The following DACH2 variants were observed in gnomAD, a reference collection of about 807,000 sequenced individuals.
DACH2 encodes the protein dachshund homolog 2.
Under a neutral mutation model 35.8 loss-of-function variants are expected in DACH2, and 17 were observed. That is an observed-to-expected ratio of 0.48 (90% CI 0.33 to 0.71). The LOEUF (loss-of-function observed/expected upper bound fraction) is 0.71. Among genes scored for constraint, DACH2 ranks in the 30% least tolerant of loss-of-function variants. DACH2 has a pLI of 0.02. For synonymous variants in DACH2, 195 were observed against 177.3 expected, an observed-to-expected ratio of 1.10 and a Z score of -0.79; for missense variants, 469 against 472.7, an observed-to-expected ratio of 0.99 and a Z score of 0.07.
chrX:86,204,799 G>C (rs2032243077), intron 1 of DACH2, among the ~76,000 whole-genome samples: 1 of 111,771 alleles, frequency 8.9e-6, no homozygotes, highest in Admixed American at 9.5e-5. Context: ...AGCTCAATCG[G>C]ATGGGAGATA....
At chrX:86,382,988 C>G (rs748249036) in intron 2 of DACH2, among the ~76,000 whole-genome samples, 7 of 110,663 alleles carry the variant, frequency 6.3e-5, no homozygotes, top group Non-Finnish European at 1.1e-4. Context: ...TAAGCATACT[C>G]TGGAAACCAC....
At chrX:86,369,425 T>C (rs1365723748) in intron 1 of DACH2, among the ~76,000 whole-genome samples, 2 of 111,018 alleles carry the variant, frequency 1.8e-5, no homozygotes, top group African/African-American at 3.3e-5. Context: ...AAATCGGTAA[T>C]CCTCTTCATT....
chrX:86,403,034 A>G (rs1039216736), intron 2 of DACH2, among the ~76,000 whole-genome samples: 2 of 112,259 alleles, frequency 1.8e-5, no homozygotes, highest in African/African-American at 6.5e-5. Flanking sequence ...AAATTAACTG[A>G]AGATGGATCA....
intron 4 of DACH2, among the ~76,000 whole-genome samples, chrX:86,682,397 G>A (rs929583092): frequency 4.5e-5 from 5 of 111,476 alleles, no homozygotes. Flanking sequence ...AGTCTTTTGA[G>A]TTTCAGTTTT....
In DACH2 at chrX:86,551,794, T is replaced by C. The variant is rs113107648; in HGVS notation, c.640+37403T>C. ...CATTTCTCAATCTTGTAAAAATGGC[T>C]CAGATAAGCAGTTAGTAGAAACTTT... On this transcript the variant is annotated intron_variant, in intron 3 of 11. Coordinates refer to ENST00000373125, the MANE Select transcript of DACH2 (RefSeq NM_053281.3). Among the ~76,000 whole-genome samples the C allele has an allele frequency of 6.3e-3, 709 of 111,934 alleles. 7 individuals carry two copies. Among genetic ancestry groups the C allele is most frequent in the African/African-American group, 0.021 (649 of 30,857 alleles).
intron 6 of DACH2, among the ~76,000 whole-genome samples, chrX:86,735,170 CACAT>C (rs1240463264): frequency 1.1e-4 from 12 of 111,619 alleles, no homozygotes; most frequent in African/African-American, 3.9e-4. Context: ...GGAACATGTG[CACAT>C]ACATATTACC....
chrX:86,770,840 T>C (rs2041981654), intron 7 of DACH2, among the ~76,000 whole-genome samples: 1 of 112,455 alleles, frequency 8.9e-6, no homozygotes, highest in South Asian at 3.6e-4. Flanking sequence ...TAATACAGTG[T>C]CATATGCCCC....
chrX:86,756,881 C>T (rs1364223755), intron 7 of DACH2, among the ~76,000 whole-genome samples: 3 of 110,707 alleles, frequency 2.7e-5, no homozygotes, highest in Admixed American at 9.6e-5. Context: ...TCATATATGA[C>T]CTTTATTATG....
intron 3 of DACH2, among the ~76,000 whole-genome samples, chrX:86,531,398 G>A (rs1468808189): frequency 1.8e-5 from 2 of 111,425 alleles, no homozygotes; most frequent in Admixed American, 9.5e-5. Flanking sequence ...TGTGGGGTGG[G>A]CCTAAGGTCC....
In DACH2 at chrX:86,315,840, C is replaced by CAGAGAG. The variant is rs1166125637; in HGVS notation, c.489-60977_489-60972dup. Reference sequence around the variant, plus strand: ...ACACACACACACACACACACACACACAGAGAGAGAGAGGGAGATTGGAGCA... The same window carrying CAGAGAG: ...ACACACACACACACACACACACACACAGAGAGAGAGAGAGAGAGGGAGATTGGAGCA... On this transcript the variant is annotated intron_variant, in intron 1 of 11. Transcript: ENST00000373125. 3.0e-4 allele frequency among the ~76,000 whole-genome samples: 23 copies of CAGAGAG among 77,854 alleles called. 1 individual carries two copies. Among genetic ancestry groups the CAGAGAG allele is most frequent in the Middle Eastern group, 6.7e-3 (1 of 149 alleles). 67.6% of individuals were successfully genotyped at this position (77,854 alleles called of 115,157 possible). A position where few individuals can be genotyped will look rare whatever the true frequency, so the allele number is the denominator to read the frequency against.
At chrX:86,718,514 G>T (rs60145269) in intron 6 of DACH2, among the ~76,000 whole-genome samples, 1 of 111,590 alleles carries the variant, frequency 9.0e-6, no homozygotes, top group African/African-American at 3.3e-5. Flanking sequence ...TGTTTTTGCT[G>T]CCTGTGCTTT....
chrX:86,585,544 G>T (rs976677717), intron 3 of DACH2, among the ~76,000 whole-genome samples: 1 of 110,344 alleles, frequency 9.1e-6, no homozygotes, highest in Non-Finnish European at 1.9e-5. Context: ...GATCTTTTCT[G>T]ATCCTCTCCC....
chrX:86,293,371 C>G (rs1447210745), intron 1 of DACH2, among the ~76,000 whole-genome samples: 1 of 109,211 alleles, frequency 9.2e-6, no homozygotes, highest in Middle Eastern at 4.2e-3. Flanking sequence ...TGGGTCTTGA[C>G]TATCCAATTT....
intron 2 of DACH2, among the ~76,000 whole-genome samples, chrX:86,421,261 T>C (rs2036797995): frequency 8.9e-6 from 1 of 111,994 alleles, no homozygotes; most frequent in African/African-American, 3.2e-5. Flanking sequence ...CTCACATCAA[T>C]AGTTAACAAC....
At chrX:86,679,963 T>G (rs1334897687) in intron 4 of DACH2, among the ~76,000 whole-genome samples, 1 of 111,376 alleles carries the variant, frequency 9.0e-6, no homozygotes, top group Non-Finnish European at 1.9e-5. Context: ...CCTAGTCTAT[T>G]AGTGATTCAC....
At chrX:86,494,992 T>C (rs774273227) in intron 2 of DACH2, among the ~76,000 whole-genome samples, 150 of 112,150 alleles carry the variant, frequency 1.3e-3, no homozygotes, top group African/African-American at 4.6e-3. Flanking sequence ...AAAATATCAT[T>C]GCAAAATATA....
intron 2 of DACH2, chrX:86,512,774 T>C: frequency 4.3e-6 from 1 of 234,738 alleles, no homozygotes; most frequent in Non-Finnish European, 8.1e-6. Flanking sequence ...TTCAGTGATA[T>C]TGGGATCCTT....
chrX:86,581,792 G>A (rs971321258), intron 3 of DACH2, among the ~76,000 whole-genome samples: 1 of 111,082 alleles, frequency 9.0e-6, no homozygotes, highest in Admixed American at 9.6e-5. Context: ...ATTTTGAGCG[G>A]GAGACTTTAA....
intron 1 of DACH2, among the ~76,000 whole-genome samples, chrX:86,185,528 C>T (rs779054971): frequency 9.0e-6 from 1 of 111,342 alleles, no homozygotes; most frequent in Admixed American, 9.6e-5. Flanking sequence ...TGATTCCTTA[C>T]CCTATACATG....
Sources: allele counts gnomAD v4.1 joint callset (sites outside exome capture counted in the v4.1 genomes callset), GRCh38; gene constraint gnomAD v4.1.1; transcripts MANE v1.5; gene names NCBI Gene and HGNC (gene_info 2026-07-23, HGNC 2026-07-21).